The following CSMD1 variants were observed in gnomAD, a reference collection of about 807,000 sequenced individuals.
The protein encoded by CSMD1 is CUB and sushi domain-containing protein 1.
A neutral mutation model predicts 417.5 loss-of-function variants in CSMD1; 213 were observed. The ratio of observed to expected loss-of-function variants is 0.51; its 90% CI spans 0.46 to 0.57. The LOEUF (loss-of-function observed/expected upper bound fraction) is 0.57. Ranked by LOEUF, CSMD1 falls within the 20% of genes least tolerant of loss-of-function variation. The probability of loss-of-function intolerance (pLI) is 0.00; values close to 1 mark genes in which losing one functional copy is unlikely to be tolerated. For synonymous variants in CSMD1, 2,862 were observed against 1,736.8 expected (o/e 1.65, Z -16.11); for missense variants, 6,923 against 4,529.7 (o/e 1.53, Z -15.17).
chr8:3,863,294 G>C (rs1386176016), intron 5 of CSMD1, among the ~76,000 whole-genome samples: 7 of 151,878 alleles, frequency 4.6e-5, no homozygotes, highest in Non-Finnish European at 7.4e-5. Flanking sequence ...CTACTCAGGA[G>C]GCTGAGGCAG....
At chr8:4,264,657 T>C (rs113529094) in intron 3 of CSMD1, among the ~76,000 whole-genome samples, 6,578 of 152,156 alleles carry the variant, frequency 0.043, 461 homozygotes, top group African/African-American at 0.15. Context: ...ATGACAGCCA[T>C]ATTCACCGAG....
chr8:3,392,739 C>T (rs1811424107), intron 17 of CSMD1, among the ~76,000 whole-genome samples: 1 of 152,080 alleles, frequency 6.6e-6, no homozygotes, highest in African/African-American at 2.4e-5. Flanking sequence ...ACTAAGCTCC[C>T]AGGGATGTGT....
At chr8:3,012,968 G>C (rs371717229) in intron 52 of CSMD1, among the ~76,000 whole-genome samples, 18 of 152,254 alleles carry the variant, frequency 1.2e-4, no homozygotes, top group East Asian at 9.7e-4. Context: ...ATAAAGGGGA[G>C]TTCCCCTGCA....
rs189310803 is a variant in CSMD1 at position 3,831,591 on chromosome 8, G to A, written c.819-77549C>T. ...ACTACAGCAATGGAATATCCCAAAT[G>A]TCCTCTCTAATATTATAGCTTTTCA... is the stretch of plus-strand genomic sequence containing the variant. On this transcript the variant is annotated intron_variant, in intron 5 of 69. Coordinates refer to ENST00000635120, the MANE Select transcript of CSMD1 (RefSeq NM_033225.6). 3.3e-5 allele frequency among the ~76,000 whole-genome samples: 5 copies of A among 152,286 alleles called. No homozygotes were observed. In the East Asian group the frequency reaches 7.7e-4, roughly 23 times the overall value.
At chr8:3,985,191 G>C (rs1814226996) in intron 5 of CSMD1, among the ~76,000 whole-genome samples, 2 of 152,120 alleles carry the variant, frequency 1.3e-5, no homozygotes, top group Admixed American at 6.6e-5. Flanking sequence ...CTCACAGTTT[G>C]TGGTAAACTA....
chr8:3,374,711 G>T (rs752749813), intron 18 of CSMD1, among the ~76,000 whole-genome samples: 1 of 152,072 alleles, frequency 6.6e-6, no homozygotes, highest in Non-Finnish European at 1.5e-5. Context: ...CCCGAGACAG[G>T]CTGTCTGCTG....
At position 3,151,442 on chromosome 8, in the gene CSMD1, T is replaced by C. The variant is rs867557616; in HGVS notation, c.5986A>G (p.Asn1996Asp). The C allele has an allele frequency of 6.2e-7, 1 of 1,613,776 alleles. No homozygotes were observed. Among genetic ancestry groups the C allele is most frequent in the Non-Finnish European group, 8.5e-7 (1 of 1,179,884 alleles). ...ATCCTCCAGGTGCAGTCTAAGTTGTTGGGGTAAGAACCTGGGAAGCCGGGG... is the reference window on the plus strand; with the variant it reads ...ATCCTCCAGGTGCAGTCTAAGTTGTCGGGGTAAGAACCTGGGAAGCCGGGG... ...LSPGFPGSYPNNLDCTWRISL... is the reference protein window; with the variant it reads ...LSPGFPGSYPDNLDCTWRISL... The change falls in exon 40 of 70, where the codon AAC becomes GAC. Residue 1996 changes from asparagine (N) to aspartate (D), a missense_variant. By Grantham distance (23) the Asn-to-Asp change is conservative. Transcript: ENST00000635120.
At chr8:4,620,394 G>C (rs557982341) in intron 2 of CSMD1, among the ~76,000 whole-genome samples, 3 of 151,488 alleles carry the variant, frequency 2.0e-5, no homozygotes, top group Non-Finnish European at 3.0e-5. Context: ...AGGAATTTGA[G>C]TTTGAGAAAC....
At chr8:3,964,756 T>C (rs941740313) in intron 5 of CSMD1, among the ~76,000 whole-genome samples, 1 of 152,236 alleles carries the variant, frequency 6.6e-6, no homozygotes, top group African/African-American at 2.4e-5. Flanking sequence ...TTGTCCTGTA[T>C]CCTTCATAAA....
chr8:4,897,023 G>A (rs573604423), intron 1 of CSMD1, among the ~76,000 whole-genome samples: 2 of 152,046 alleles, frequency 1.3e-5, no homozygotes, highest in East Asian at 3.9e-4. Flanking sequence ...CTTTTCCCAT[G>A]ACAGTTTTAT....
At position 4,522,924 on chromosome 8, in the gene CSMD1, C is replaced by G. The variant is rs57761094; in HGVS notation, c.303-102859G>C. On this transcript the variant is annotated intron_variant, in intron 2 of 69. Coordinates refer to ENST00000635120, the MANE Select transcript of CSMD1 (RefSeq NM_033225.6). ...AAGGATCCTACAAATAAGGACATTG[C>G]TGTTATCCTTGCTCTACTAGGGAAG... Among the ~76,000 whole-genome samples, 438 of 152,274 alleles carry G rather than the reference C, an allele frequency of 2.9e-3. 3 individuals are homozygous for G. Among genetic ancestry groups the G allele is most frequent in the East Asian group, 9.7e-3 (50 of 5,176 alleles).
intron 8 of CSMD1, among the ~76,000 whole-genome samples, chr8:3,598,890 G>C (rs1189397547): frequency 6.6e-6 from 1 of 152,118 alleles, no homozygotes; most frequent in Non-Finnish European, 1.5e-5. Flanking sequence ...AGACCAGTCT[G>C]ACCAACATAA....
intron 5 of CSMD1, among the ~76,000 whole-genome samples, chr8:3,967,683 G>A (rs550322804): frequency 1.1e-4 from 16 of 152,190 alleles, no homozygotes; most frequent in African/African-American, 3.4e-4. Flanking sequence ...ACGTGCTGGG[G>A]TGAGCTTCAA....
At chr8:4,627,368 T>A (rs962252235) in intron 2 of CSMD1, among the ~76,000 whole-genome samples, 9 of 152,144 alleles carry the variant, frequency 5.9e-5, no homozygotes, top group African/African-American at 2.2e-4. Context: ...TATTTATAGC[T>A]CTTTATTGCA....
intron 3 of CSMD1, among the ~76,000 whole-genome samples, chr8:4,075,673 T>C (rs1381713240): frequency 1.3e-5 from 2 of 152,212 alleles, no homozygotes; most frequent in Non-Finnish European, 2.9e-5. Flanking sequence ...TGAGACGTTT[T>C]GGAGCACTGG....
At chr8:4,472,152 C>A (rs1209423363) in intron 2 of CSMD1, among the ~76,000 whole-genome samples, 2 of 152,144 alleles carry the variant, frequency 1.3e-5, no homozygotes, top group Non-Finnish European at 2.9e-5. Context: ...GATTGTCATA[C>A]TTTTTAAATA....
At chr8:4,748,378 T>C (rs1811089922) in intron 1 of CSMD1, among the ~76,000 whole-genome samples, 1 of 152,234 alleles carries the variant, frequency 6.6e-6, no homozygotes, top group Non-Finnish European at 1.5e-5. Flanking sequence ...TCTGCTCCTT[T>C]GAATACTTTT....
chr8:3,826,556 C>T (rs1000613680), intron 5 of CSMD1, among the ~76,000 whole-genome samples: 5 of 152,060 alleles, frequency 3.3e-5, no homozygotes, highest in African/African-American at 4.8e-5. Context: ...CTGATATGAG[C>T]GCCTCTCTCT....
Position 3,302,317 on chromosome 8 carries a change from G to C in CSMD1, c.3950+5378C>G, listed in dbSNP as rs113758728. Among the ~76,000 whole-genome samples, 342 of 152,106 alleles carry C rather than the reference G, an allele frequency of 2.2e-3. 1 individual carries two copies. Among genetic ancestry groups the C allele is most frequent in the Non-Finnish European group, 4.4e-3 (296 of 67,990 alleles). On this transcript the variant is annotated intron_variant, in intron 25 of 69. Coordinates refer to ENST00000635120, the MANE Select transcript of CSMD1 (RefSeq NM_033225.6). The stretch of plus-strand genomic sequence containing the variant: ...TTTTTTTCTGGAGTCACTTCTTCTG[G>C]AATATCTCCATCGTTCTCATCACAG...
Sources: gnomAD v4.1 joint callset for allele counts (sites outside exome capture counted in the v4.1 genomes callset) on GRCh38, gnomAD v4.1.1 for gene constraint, MANE v1.5 for transcripts, NCBI Gene and HGNC (gene_info 2026-07-23, HGNC 2026-07-21) for gene names.